POC1B: variants seen among roughly 807,000 people sequenced by gnomAD.
POC1B encodes the protein POC1 centriolar protein homolog B.
Under a neutral mutation model 60.6 loss-of-function variants are expected in POC1B, and 44 were observed. The ratio of observed to expected loss-of-function variants is 0.73; its 90% CI spans 0.57 to 0.93. POC1B has a LOEUF of 0.93. POC1B is among the 40% of genes least tolerant of loss of function. The pLI is 0.00. For missense variants in POC1B, 555 were observed against 572.3 expected, an observed-to-expected ratio of 0.97 and a Z score of 0.31; for synonymous variants, 180 against 198.9, an observed-to-expected ratio of 0.90 and a Z score of 0.80.
chr12:89,406,189 G>A, the POC1B span, among the ~76,000 whole-genome samples: 3 of 152,146 alleles, frequency 2.0e-5, no homozygotes, highest in East Asian at 5.8e-4. Context: ...GTCTGGCAAA[G>A]GGAAATAGGA....
intron 10 of POC1B, among the ~76,000 whole-genome samples, chr12:89,432,457 G>A (rs1050148922): frequency 1.4e-5 from 2 of 142,070 alleles, no homozygotes; most frequent in African/African-American, 5.1e-5. Flanking sequence ...TGCCATGTAA[G>A]GAAACATTTT....
At chr12:89,481,621 A>C (rs538343338) in intron 4 of POC1B, among the ~76,000 whole-genome samples, 1 of 152,310 alleles carries the variant, frequency 6.6e-6, no homozygotes, top group African/African-American at 2.4e-5. Flanking sequence ...GAATCCCCAA[A>C]AATTCTGCAT....
chr12:89,499,950 C>A, intron 2 of POC1B: 1 of 610,584 alleles, frequency 1.6e-6, no homozygotes, highest in Non-Finnish European at 2.9e-6. Context: ...GCAGCTCTTG[C>A]GGCGGCCATC....
At chr12:89,450,264 G>A (rs1565730205) in intron 10 of POC1B, among the ~76,000 whole-genome samples, 1 of 151,802 alleles carries the variant, frequency 6.6e-6, no homozygotes, top group East Asian at 1.9e-4. Context: ...CTGGAGTGCA[G>A]TGGCACGATC....
At chr12:89,507,175 G>C (rs770545627) in intron 2 of POC1B, among the ~76,000 whole-genome samples, 35 of 150,792 alleles carry the variant, frequency 2.3e-4, no homozygotes, top group African/African-American at 7.8e-4. Context: ...CTGTGGGGGT[G>C]GGGGAGGCTG....
intron 10 of POC1B, among the ~76,000 whole-genome samples, chr12:89,435,269 C>T (rs1295853116): frequency 6.6e-6 from 1 of 150,922 alleles, no homozygotes; most frequent in Non-Finnish European, 1.5e-5. Flanking sequence ...CAACCTCCGC[C>T]TCCTGGGTTC....
At chr12:89,519,365 T>C (rs1382268673) in intron 2 of POC1B, 1 of 152,228 alleles carries the variant, frequency 6.6e-6, no homozygotes, top group African/African-American at 2.4e-5. Context: ...CCATTATAAA[T>C]GTATACATAG....
chr12:89,415,008 C>T (rs149546836), downstream of POC1B, among the ~76,000 whole-genome samples: 2 of 152,290 alleles, frequency 1.3e-5, no homozygotes, highest in African/African-American at 4.8e-5. Context: ...TTCTTAATGA[C>T]ATTTACTTGA....
intron 10 of POC1B, among the ~76,000 whole-genome samples, chr12:89,430,595 C>T (rs955659237): frequency 3.9e-5 from 6 of 152,156 alleles, no homozygotes; most frequent in Non-Finnish European, 7.4e-5. Context: ...CTTCTACCAC[C>T]ACCCTTTCCA....
At chr12:89,518,228 GGATT>G (rs1227042325) in intron 2 of POC1B, among the ~76,000 whole-genome samples, 1 of 151,940 alleles carries the variant, frequency 6.6e-6, no homozygotes, top group Non-Finnish European at 1.5e-5. Context: ...CTGTCCAAAA[GGATT>G]GATTGAAGTT....
chr12:89,507,502 G>T (rs981714317), intron 2 of POC1B, among the ~76,000 whole-genome samples: 1 of 152,052 alleles, frequency 6.6e-6, no homozygotes, highest in African/African-American at 2.4e-5. Context: ...AAATGTCAAA[G>T]CTTGTACCAT....
intron 2 of POC1B, chr12:89,522,462 C>T: frequency 2.8e-6 from 1 of 354,810 alleles, no homozygotes. Flanking sequence ...TACACATCAA[C>T]ATAAATCATA....
the POC1B span, among the ~76,000 whole-genome samples, chr12:89,403,938 G>A: frequency 1.3e-5 from 2 of 152,130 alleles, no homozygotes; most frequent in Non-Finnish European, 2.9e-5. Context: ...TTCGAGACCT[G>A]CCTGACCAAC....
intron 10 of POC1B, among the ~76,000 whole-genome samples, chr12:89,431,634 C>A (rs1484183011): frequency 1.3e-5 from 2 of 152,198 alleles, no homozygotes; most frequent in Admixed American, 6.5e-5. Flanking sequence ...ATAATCTCTA[C>A]ATAAGATCTA....
chr12:89,475,301 G>A (rs974277400), intron 4 of POC1B, among the ~76,000 whole-genome samples: 3 of 152,160 alleles, frequency 2.0e-5, no homozygotes, highest in Admixed American at 1.3e-4. Context: ...GAAGGGATGT[G>A]AACCTCGAAT....
chr12:89,420,963 GAT>G lies in POC1B; in HGVS notation c.*188_*189del, dbSNP rs1880504864. ...GTAATTTAAATTAGTCCTTCACATT[GAT>G]ATGTGTTTAAATTAGTCCTTAGGTA... is the stretch of plus-strand genomic sequence containing the variant. On this transcript the variant is annotated 3_prime_UTR_variant, in exon 12 of 12. Coordinates refer to ENST00000313546, the MANE Select transcript of POC1B (RefSeq NM_172240.3). 1.1e-5 allele frequency: 5 copies of G among 444,778 alleles called. No individual in the cohort carries two copies. In the East Asian group the frequency reaches 1.5e-4, roughly 14 times the overall value. 27.6% of individuals were successfully genotyped at this position (444,778 alleles called of 1,614,324 possible).
chr12:89,512,952 G>T (rs761530733), intron 2 of POC1B, among the ~76,000 whole-genome samples: 12 of 152,134 alleles, frequency 7.9e-5, no homozygotes, highest in Non-Finnish European at 1.2e-4. Flanking sequence ...TCAAAGCAAA[G>T]GGAATTTATG....
intron 2 of POC1B, among the ~76,000 whole-genome samples, chr12:89,519,095 C>G (rs1470482028): frequency 6.6e-6 from 1 of 152,062 alleles, no homozygotes; most frequent in Non-Finnish European, 1.5e-5. Flanking sequence ...TTGTTTTCCA[C>G]CCAGGGTAGT....
At chr12:89,449,639 G>A (rs1280188264) in intron 10 of POC1B, among the ~76,000 whole-genome samples, 4 of 152,210 alleles carry the variant, frequency 2.6e-5, no homozygotes, top group South Asian at 2.1e-4. Flanking sequence ...ATTCCAATGG[G>A]ATGGTTTTTT....
Sources: gnomAD v4.1 joint callset for allele counts (sites outside exome capture counted in the v4.1 genomes callset) on GRCh38, gnomAD v4.1.1 for gene constraint, MANE v1.5 for transcripts, NCBI Gene and HGNC (gene_info 2026-07-23, HGNC 2026-07-21) for gene names.